FOXP1: variants seen among roughly 807,000 people sequenced by gnomAD.
The protein encoded by FOXP1 is forkhead box protein P1.
Under a neutral mutation model 98.2 loss-of-function variants are expected in FOXP1, and 15 were observed. The ratio of observed to expected loss-of-function variants is 0.15; its 90% CI spans 0.10 to 0.24. FOXP1 has a LOEUF of 0.24. Ranked by LOEUF, FOXP1 falls within the 10% of genes least tolerant of loss-of-function variation. FOXP1 has a pLI of 1.00. For missense variants in FOXP1, 633 were observed against 848.5 expected, an observed-to-expected ratio of 0.75 and a Z score of 3.15; for synonymous variants, 371 against 314.5, an observed-to-expected ratio of 1.18 and a Z score of -1.90.
intron 2 of FOXP1, among the ~76,000 whole-genome samples, chr3:71,526,318 T>G (rs1234175708): frequency 6.6e-6 from 1 of 152,102 alleles, no homozygotes; most frequent in Admixed American, 6.5e-5. Flanking sequence ...GAATCCAGAG[T>G]TCAGGCCCAA....
At chr3:71,342,457 GTCAGGAGTTCGAGAACAGCCTGA>G (rs374805722) in intron 4 of FOXP1, among the ~76,000 whole-genome samples, 4 of 152,072 alleles carry the variant, frequency 2.6e-5, no homozygotes, top group Non-Finnish European at 5.9e-5. Context: ...ATCACCTGAG[GTCAGGAGTTCGAGAACAGCCTGA>G]TCAGGAGTTC....
intron 3 of FOXP1, among the ~76,000 whole-genome samples, chr3:71,397,025 C>CACATATATATACACAT: frequency 0.02 from 347 of 16,956 alleles, 61 homozygotes; most frequent in Non-Finnish European, 0.049. Flanking sequence ...TATATATATA[C>CACATATATATACACAT]ATATATATGT....
intron 2 of FOXP1, among the ~76,000 whole-genome samples, chr3:71,517,722 CTTCAT>C (rs1425774673): frequency 2.6e-5 from 4 of 152,132 alleles, no homozygotes; most frequent in Non-Finnish European, 5.9e-5. Flanking sequence ...ATTCCAGCTC[CTTCAT>C]TTCATTAGTT....
Position 71,248,499 on chromosome 3 carries a change from T to C in FOXP1, c.-11-50107A>G, listed in dbSNP as rs561348743. 5.3e-5 allele frequency among the ~76,000 whole-genome samples: 8 copies of C among 152,156 alleles called. No homozygotes were observed. The East Asian group carries it at 1.5e-3, about 29-fold the overall frequency. ...GGCTCACGCCTGTAATCCCAGCACT[T>C]TGGGAGGCCGAGGCAGGTGGATCAC... On this transcript the variant is annotated intron_variant, in intron 5 of 20. Coordinates refer to ENST00000649528, the MANE Select transcript of FOXP1 (RefSeq NM_001349338.3).
At chr3:70,980,155 A>T (rs2038566093) in intron 14 of FOXP1, among the ~76,000 whole-genome samples, 1 of 152,156 alleles carries the variant, frequency 6.6e-6, no homozygotes, top group African/African-American at 2.4e-5. Context: ...TCAGAGTAGC[A>T]GCCGCAGGAT....
intron 3 of FOXP1, among the ~76,000 whole-genome samples, chr3:71,366,201 A>T (rs9826935): frequency 0.051 from 7,802 of 151,782 alleles, 536 homozygotes; most frequent in African/African-American, 0.15. Context: ...ATCTTTTTTT[A>T]AATCTCAGTT....
chr3:71,166,558 C>T (rs1389096886), intron 6 of FOXP1, among the ~76,000 whole-genome samples: 1 of 152,144 alleles, frequency 6.6e-6, no homozygotes, highest in African/African-American at 2.4e-5. Context: ...AGGAGCAACT[C>T]TTGGGTGCAA....
intron 11 of FOXP1, among the ~76,000 whole-genome samples, chr3:71,025,851 C>T (rs2046044267): frequency 6.6e-6 from 1 of 152,144 alleles, no homozygotes; most frequent in Non-Finnish European, 1.5e-5. Flanking sequence ...TCTAGGTCTG[C>T]TTTAAGTATC....
rs1553648184 is a variant in FOXP1, at chr3:70,955,832, G to GCGCACACACA, written c.*3414_*3415insTGTGTGTGCG. On this transcript the variant is annotated 3_prime_UTR_variant, in exon 21 of 21. Transcript: ENST00000649528. Reference sequence around the variant, plus strand: ...AACAGATTAACACACACGCACGCGCGCACACACACACACACACACACACAA... The same window carrying GCGCACACACA: ...AACAGATTAACACACACGCACGCGCGCGCACACACACACACACACACACACACACACACAA... The GCGCACACACA allele has an allele frequency of 2.0e-3, 436 of 221,622 alleles. 2 individuals carry two copies. The highest frequency in any genetic ancestry group is 8.6e-3 in the African/African-American group (379 of 44,212). 13.7% of individuals were successfully genotyped at this position (221,622 alleles called of 1,614,324 possible). A position where few individuals can be genotyped will look rare whatever the true frequency, so the allele number is the denominator to read the frequency against.
At chr3:71,576,733 T>C (rs2047748212) in intron 2 of FOXP1, among the ~76,000 whole-genome samples, 2 of 152,192 alleles carry the variant, frequency 1.3e-5, no homozygotes. Flanking sequence ...AACTGAATTG[T>C]AAATTTCATG....
intron 9 of FOXP1, among the ~76,000 whole-genome samples, chr3:71,048,399 T>C (rs1871149): frequency 6.6e-6 from 1 of 152,202 alleles, no homozygotes; most frequent in Non-Finnish European, 1.5e-5. Context: ...AGAAAAATGG[T>C]GGTTTCCTTT....
intron 2 of FOXP1, among the ~76,000 whole-genome samples, chr3:71,578,975 C>T (rs535370974): frequency 3.9e-5 from 6 of 152,144 alleles, no homozygotes; most frequent in African/African-American, 1.4e-4. Flanking sequence ...TATGTTTAAC[C>T]CACATTGCTT....
At chr3:71,578,246 G>A (rs1478842280) in intron 2 of FOXP1, among the ~76,000 whole-genome samples, 1 of 152,158 alleles carries the variant, frequency 6.6e-6, no homozygotes, top group East Asian at 1.9e-4. Flanking sequence ...GCTCTTCAGA[G>A]GGTTTCCCTC....
intron 5 of FOXP1, among the ~76,000 whole-genome samples, chr3:71,281,576 G>C (rs1439483212): frequency 1.3e-5 from 2 of 152,206 alleles, no homozygotes; most frequent in Non-Finnish European, 2.9e-5. Flanking sequence ...AACGCAAAGT[G>C]CTCTCAGGCC....
chr3:71,092,998 C>A (rs919400906), intron 7 of FOXP1, among the ~76,000 whole-genome samples: 1 of 152,180 alleles, frequency 6.6e-6, no homozygotes, highest in South Asian at 2.1e-4. Context: ...TGGTGGCTCA[C>A]GCCTATAATC....
chr3:71,284,659 C>A (rs1372913311), intron 5 of FOXP1, among the ~76,000 whole-genome samples: 2 of 152,032 alleles, frequency 1.3e-5, no homozygotes, highest in African/African-American at 4.8e-5. Flanking sequence ...AAGAATAGTT[C>A]TTTAAATTTT....
chr3:71,453,053 T>A (rs2087118737), intron 3 of FOXP1, among the ~76,000 whole-genome samples: 1 of 152,208 alleles, frequency 6.6e-6, no homozygotes, highest in African/African-American at 2.4e-5. Flanking sequence ...TGCTTAATTC[T>A]TTTAAATTAA....
chr3:71,328,296 T>C (rs1224856385), intron 4 of FOXP1, among the ~76,000 whole-genome samples: 1 of 151,698 alleles, frequency 6.6e-6, no homozygotes, highest in Non-Finnish European at 1.5e-5. Flanking sequence ...ATTTAAAAAT[T>C]AAAAAAAAGA....
chr3:71,237,415 T>G (rs2066894218), intron 5 of FOXP1, among the ~76,000 whole-genome samples: 2 of 152,120 alleles, frequency 1.3e-5, no homozygotes, highest in Admixed American at 6.6e-5. Flanking sequence ...CTATCTTGAT[T>G]GGGGCTAGCT....
Sources: gnomAD v4.1 joint callset for allele counts (sites outside exome capture counted in the v4.1 genomes callset) on GRCh38, gnomAD v4.1.1 for gene constraint, MANE v1.5 for transcripts, NCBI Gene and HGNC (gene_info 2026-07-23, HGNC 2026-07-21) for gene names.